The following TMEM207 variants were observed in gnomAD, a reference collection of about 807,000 sequenced individuals.
The protein encoded by TMEM207 is SRSR846.
Under a neutral mutation model 17.4 loss-of-function variants are expected in TMEM207, and 15 were observed. The observed-to-expected ratio is 0.86, with a 90% confidence interval of 0.58 to 1.33. TMEM207 has a LOEUF of 1.33. Among genes scored for constraint, TMEM207 ranks in the 40% most tolerant of loss-of-function variants. TMEM207 has a pLI of 0.00. For synonymous variants in TMEM207, 70 were observed against 65.6 expected (o/e 1.07, Z -0.33); for missense variants, 205 against 173.8 (o/e 1.18, Z -1.01).
At chr3:190,435,308 G>A (rs1719777593) in intron 4 of TMEM207, among the ~76,000 whole-genome samples, 1 of 152,114 alleles carries the variant, frequency 6.6e-6, no homozygotes, top group African/African-American at 2.4e-5. Flanking sequence ...CTACATCATG[G>A]TCTTTACTTT....
chr3:190,441,557 G>T, intron 2 of TMEM207, 75 bp from the exon 3 acceptor site: 2 of 1,205,916 alleles, frequency 1.7e-6, no homozygotes, highest in Non-Finnish European at 2.4e-6. Flanking sequence ...AATAAAATTG[G>T]TACTGATCAC....
intron 4 of TMEM207, among the ~76,000 whole-genome samples, chr3:190,437,530 C>T (rs1450656051): frequency 6.6e-6 from 1 of 152,126 alleles, no homozygotes; most frequent in African/African-American, 2.4e-5. Flanking sequence ...AAATTGTGAC[C>T]ATATAAACCA....
At chr3:190,448,672 C>T (rs907460642) in intron 1 of TMEM207, among the ~76,000 whole-genome samples, 1 of 152,064 alleles carries the variant, frequency 6.6e-6, no homozygotes. Context: ...ATTTATTTTC[C>T]TGGACTATAA....
rs570620550 is a variant in TMEM207 at position 190,446,695 on chromosome 3, G to C, written c.113+1095C>G. ...AGGGAGAGCGGTAGCCTCAGCTACC[G>C]CTAAAGTCAGCATAAAAACTTTCTT... On this transcript the variant is annotated intron_variant, in intron 2 of 4. Transcript: ENST00000354905. 1.9e-4 allele frequency among the ~76,000 whole-genome samples: 29 copies of C among 152,264 alleles called. No homozygotes were observed. The South Asian group carries it at 6.0e-3, about 32-fold the overall frequency.
chr3:190,429,828 G>A, intron 4 of TMEM207, 97 bp from the exon 5 acceptor site: 1 of 1,339,862 alleles, frequency 7.5e-7, no homozygotes, highest in African/African-American at 1.5e-5. Context: ...TTGGATCGCT[G>A]AAGCAACAGA....
intron 4 of TMEM207, among the ~76,000 whole-genome samples, chr3:190,435,145 AC>A: frequency 6.6e-6 from 1 of 152,246 alleles, no homozygotes; most frequent in African/African-American, 2.4e-5. Flanking sequence ...GGCTGTCATA[AC>A]AAAGTACCAC....
At chr3:190,435,866 C>A (rs1719794031) in intron 4 of TMEM207, among the ~76,000 whole-genome samples, 1 of 152,218 alleles carries the variant, frequency 6.6e-6, no homozygotes, top group African/African-American at 2.4e-5. Context: ...CTGGCAACAC[C>A]CTCCTTACAT....
chr3:190,432,523 T>C (rs749712958), intron 4 of TMEM207, among the ~76,000 whole-genome samples: 2 of 152,228 alleles, frequency 1.3e-5, no homozygotes, highest in Non-Finnish European at 2.9e-5. Context: ...TTATCATGTC[T>C]TTCCATGAAA....
chr3:190,435,973 T>C (rs954511774), intron 4 of TMEM207, among the ~76,000 whole-genome samples: 3 of 152,186 alleles, frequency 2.0e-5, no homozygotes, highest in Non-Finnish European at 4.4e-5. Context: ...GTATCAGTAG[T>C]TCTGATTGAA....
chr3:190,434,825 T>C (rs1577443241), intron 4 of TMEM207, among the ~76,000 whole-genome samples: 1 of 152,136 alleles, frequency 6.6e-6, no homozygotes, highest in African/African-American at 2.4e-5. Flanking sequence ...ATCCAGAAGA[T>C]GAGTGAAGTT....
At chr3:190,432,671 AGAGCAG>A (rs1719716430) in intron 4 of TMEM207, among the ~76,000 whole-genome samples, 1 of 152,208 alleles carries the variant, frequency 6.6e-6, no homozygotes, top group Admixed American at 6.5e-5. Flanking sequence ...GAGGGAGAAG[AGAGCAG>A]AGCCTGTAAG....
At chr3:190,440,562 G>A (rs942662864) in intron 3 of TMEM207, among the ~76,000 whole-genome samples, 173 bp from the exon 4 acceptor site, 4 of 152,154 alleles carry the variant, frequency 2.6e-5, no homozygotes, top group African/African-American at 9.7e-5. Flanking sequence ...CCACTGAACT[G>A]AAAATATTCT....
chr3:190,436,830 CTT>C lies in TMEM207; in HGVS notation c.304+3412_304+3413del, dbSNP rs549190451. ...GGAGATCACCACTTCCTAAATTACTCTTTTGTATTTTGTTTTGGAGAAGAGAA... is the reference window on the plus strand; with the variant it reads ...GGAGATCACCACTTCCTAAATTACTCTTGTATTTTGTTTTGGAGAAGAGAA... On this transcript the variant is annotated intron_variant, in intron 4 of 4. Transcript: ENST00000354905. Among the ~76,000 whole-genome samples the C allele has an allele frequency of 2.6e-3, 403 of 152,290 alleles. 1 individual carries two copies. Among genetic ancestry groups the C allele is most frequent in the Admixed American group, 4.3e-3 (66 of 15,294 alleles).
rs541051302 is a variant in TMEM207, at chr3:190,442,304, A to G, written c.114-822T>C. ...TGAACAGTGGAAATCTGTTATTCAC[A>G]GTCAGATACACTTCTGAGAAGACAC... On this transcript the variant is annotated intron_variant, in intron 2 of 4. Coordinates refer to ENST00000354905, the MANE Select transcript of TMEM207 (RefSeq NM_207316.3). Among the ~76,000 whole-genome samples the G allele has an allele frequency of 4.6e-5, 7 of 152,350 alleles. No homozygotes were observed. The South Asian group carries it at 1.4e-3, about 32-fold the overall frequency.
At chr3:190,444,357 T>C in intron 2 of TMEM207, 1 of 948,198 alleles carries the variant, frequency 1.1e-6, no homozygotes, top group Non-Finnish European at 1.3e-6. Context: ...CCAAATGCTC[T>C]GTCTGCAGAG....
At chr3:190,431,660 A>G (rs1464976781) in intron 4 of TMEM207, among the ~76,000 whole-genome samples, 1 of 152,102 alleles carries the variant, frequency 6.6e-6, no homozygotes, top group East Asian at 1.9e-4. Context: ...TTCTTGGTGA[A>G]CTGCCCCTAG....
At chr3:190,449,214 A>G (rs1720110741) in intron 1 of TMEM207, among the ~76,000 whole-genome samples, 2 of 152,200 alleles carry the variant, frequency 1.3e-5, no homozygotes, top group South Asian at 4.1e-4. Context: ...AATTTACTTT[A>G]GATCTAAATC....
chr3:190,430,203 G>T (rs1242838948), intron 4 of TMEM207, among the ~76,000 whole-genome samples: 1 of 151,878 alleles, frequency 6.6e-6, no homozygotes, highest in Non-Finnish European at 1.5e-5. Flanking sequence ...AAAATGTTAA[G>T]CTCGGTGATG....
At chr3:190,437,180 T>G (rs971142157) in intron 4 of TMEM207, among the ~76,000 whole-genome samples, 2 of 152,026 alleles carry the variant, frequency 1.3e-5, no homozygotes, top group African/African-American at 4.8e-5. Context: ...AGGATGGGCA[T>G]GAAGATCCTG....
Sources: gnomAD v4.1 joint callset for allele counts (sites outside exome capture counted in the v4.1 genomes callset) on GRCh38, gnomAD v4.1.1 for gene constraint, MANE v1.5 for transcripts, NCBI Gene and HGNC (gene_info 2026-07-23, HGNC 2026-07-21) for gene names.